MCPH1: variants seen among roughly 807,000 people sequenced by gnomAD.
MCPH1 encodes the protein microcephalin 1.
A neutral mutation model predicts 84.5 loss-of-function variants in MCPH1; 104 were observed. That is an observed-to-expected ratio of 1.23 (90% CI 1.05 to 1.45). MCPH1 has a LOEUF of 1.45. Among genes scored for constraint, MCPH1 ranks in the 40% most tolerant of loss-of-function variants. The probability of loss-of-function intolerance (pLI) is 0.00; values close to 1 mark genes in which losing one functional copy is unlikely to be tolerated. For synonymous variants in MCPH1, 514 were observed against 366.8 expected (o/e 1.40, Z -4.58); for missense variants, 1,498 against 1,005.7 (o/e 1.49, Z -6.62).
chr8:6,626,269 G>C lies in MCPH1; in HGVS notation c.2452+4578G>C, dbSNP rs965044379. On this transcript the variant is annotated intron_variant, in intron 13 of 13. Transcript: ENST00000344683. The stretch of plus-strand genomic sequence containing the variant: ...ACAGGGCTCAGTATACAAAATGTAA[G>C]CCACGCCTCACTCACTTGCTCCCTG... 8.1e-6 allele frequency: 8 copies of C among 985,204 alleles called. No individual in the cohort carries two copies. The African/African-American group carries it at 1.4e-4, about 17-fold the overall frequency. The allele number at this position is 985,204 out of a possible 1,614,324, so 61.0% of individuals were successfully genotyped here.
intron 2 of MCPH1, among the ~76,000 whole-genome samples, chr8:6,412,130 C>T (rs1798623156): frequency 6.6e-6 from 1 of 152,134 alleles, no homozygotes; most frequent in Non-Finnish European, 1.5e-5. Context: ...CTCCCTAATG[C>T]CTGTCTTGAG....
intron 12 of MCPH1, among the ~76,000 whole-genome samples, chr8:6,562,095 G>A (rs991002425): frequency 5.3e-5 from 8 of 152,172 alleles, no homozygotes; most frequent in African/African-American, 1.9e-4. Context: ...GAAACATAAG[G>A]TCTGCTTTAT....
At chr8:6,625,842 C>A in intron 13 of MCPH1, 1 of 985,358 alleles carries the variant, frequency 1.0e-6, no homozygotes, top group South Asian at 4.7e-5. Flanking sequence ...TGTATCTTAA[C>A]AGTCTTGTTT....
intron 2 of MCPH1, 106 bp from the exon 3 acceptor site, chr8:6,414,659 C>T (rs1408726650): frequency 2.4e-6 from 3 of 1,244,152 alleles, no homozygotes; most frequent in African/African-American, 3.0e-5. Context: ...GTTTCTCTGT[C>T]AGATGTTGAG....
At chr8:6,625,973 G>C in intron 13 of MCPH1, 3 of 985,126 alleles carry the variant, frequency 3.0e-6, no homozygotes, top group Non-Finnish European at 2.4e-6. Context: ...GTGGCCAGAG[G>C]AGGGAAAGGA....
At chr8:6,424,115 T>A (rs566753285) in intron 3 of MCPH1, among the ~76,000 whole-genome samples, 27 of 152,326 alleles carry the variant, frequency 1.8e-4, no homozygotes, top group African/African-American at 6.3e-4. Context: ...TCTGTTGGGT[T>A]CCTTCTGGGA....
chr8:6,481,303 T>C (rs1357169102), intron 11 of MCPH1, among the ~76,000 whole-genome samples: 15 of 152,252 alleles, frequency 9.9e-5, no homozygotes, highest in Non-Finnish European at 1.6e-4. Context: ...GGATGAAGGA[T>C]GTTCTTTTAA....
At chr8:6,446,801 T>C (rs980347344) in intron 8 of MCPH1, 5 of 984,572 alleles carry the variant, frequency 5.1e-6, no homozygotes, top group Non-Finnish European at 4.8e-6. Flanking sequence ...GCAAACAGTG[T>C]GGCATGGCCT....
intron 12 of MCPH1, chr8:6,532,511 G>T: frequency 1.3e-6 from 2 of 1,554,520 alleles, no homozygotes; most frequent in Non-Finnish European, 1.7e-6. Context: ...GTGTTAGAAG[G>T]CAGTCATTAG....
chr8:6,574,856 A>G (rs1250106435), intron 12 of MCPH1, among the ~76,000 whole-genome samples: 1 of 152,220 alleles, frequency 6.6e-6, no homozygotes, highest in Non-Finnish European at 1.5e-5. Flanking sequence ...AGGGCAGGCA[A>G]TATCCAGGGA....
intron 3 of MCPH1, among the ~76,000 whole-genome samples, chr8:6,419,126 C>T (rs1352435930): frequency 1.5e-5 from 1 of 68,878 alleles, no homozygotes; most frequent in African/African-American, 5.0e-5. Context: ...TTTATATACA[C>T]ATACACACAC....
At chr8:6,410,535 A>T (rs1419121530) in intron 2 of MCPH1, among the ~76,000 whole-genome samples, 1 of 152,182 alleles carries the variant, frequency 6.6e-6, no homozygotes. Flanking sequence ...ATTTACTATC[A>T]CGTACTGCTT....
At chr8:6,595,014 A>G (rs1266677705) in intron 12 of MCPH1, among the ~76,000 whole-genome samples, 4 of 152,204 alleles carry the variant, frequency 2.6e-5, no homozygotes, top group African/African-American at 9.7e-5. Context: ...GTAAATCTTA[A>G]GACTATATAG....
At position 6,444,944 on chromosome 8, in the gene MCPH1, G is replaced by T; in HGVS notation, c.1222G>T (p.Gly408Trp). 1 of 1,614,142 alleles carries T rather than the reference G, an allele frequency of 6.2e-7. No homozygotes were observed. The highest frequency in any genetic ancestry group is 8.5e-7 in the Non-Finnish European group (1 of 1,180,006). Residue 408 changes from glycine to tryptophan, a missense_variant, in exon 8 of 14, where the codon GGG (glycine) becomes TGG (tryptophan). Transcript: ENST00000344683. Reference sequence around the variant, plus strand: ...ACCTGCCCTGGAGGCTCTTAGCTGTGGGGAGTCTTCATATGATGACTATTT... The same window carrying T: ...ACCTGCCCTGGAGGCTCTTAGCTGTTGGGAGTCTTCATATGATGACTATTT... ...AGPALEALSCGESSYDDYFSP... is the reference protein window; with the variant it reads ...AGPALEALSCWESSYDDYFSP...
intron 3 of MCPH1, among the ~76,000 whole-genome samples, chr8:6,425,789 A>G (rs1207106863): frequency 6.6e-6 from 1 of 152,208 alleles, no homozygotes; most frequent in Non-Finnish European, 1.5e-5. Flanking sequence ...AGGCAATGGT[A>G]GTGGCTTTTC....
chr8:6,592,231 C>A (rs956074424), intron 12 of MCPH1, among the ~76,000 whole-genome samples: 1 of 151,996 alleles, frequency 6.6e-6, no homozygotes, highest in African/African-American at 2.4e-5. Context: ...TGGCTCACTG[C>A]AGCTCAACCT....
At position 6,445,307 on chromosome 8, in the gene MCPH1, A is replaced by C; in HGVS notation, c.1585A>C (p.Ile529Leu). ...CPEGNGFSYT[I>L]EDPALPKGHD... ...AGAGGGAAATGGCTTTTCTTACACCATTGAGGACCCTGCTCTTCCAAAAGG... is the reference window on the plus strand; with the variant it reads ...AGAGGGAAATGGCTTTTCTTACACCCTTGAGGACCCTGCTCTTCCAAAAGG... The change falls in exon 8 of 14, where the codon ATT becomes CTT. Residue 529 changes from isoleucine to leucine, a missense_variant. Coordinates refer to ENST00000344683, the MANE Select transcript of MCPH1 (RefSeq NM_024596.5). 1 of 1,614,266 alleles carries C rather than the reference A, an allele frequency of 6.2e-7. No individual in the cohort carries two copies. The highest frequency in any genetic ancestry group is 1.1e-5 in the South Asian group (1 of 91,090).
At chr8:6,578,828 A>T (rs1218817142) in intron 12 of MCPH1, among the ~76,000 whole-genome samples, 1 of 152,192 alleles carries the variant, frequency 6.6e-6, no homozygotes, top group Non-Finnish European at 1.5e-5. Context: ...TTCTCCACAG[A>T]GCTGCTCTCG....
chr8:6,409,439 T>G, intron 2 of MCPH1, 69 bp downstream of exon 2: 12 of 1,326,038 alleles, frequency 9.0e-6, no homozygotes, highest in Non-Finnish European at 1.3e-5. Context: ...CATTTGCATT[T>G]TCTTATTTTG....
Sources: gnomAD v4.1 joint callset for allele counts (sites outside exome capture counted in the v4.1 genomes callset) on GRCh38, gnomAD v4.1.1 for gene constraint, MANE v1.5 for transcripts, NCBI Gene and HGNC (gene_info 2026-07-23, HGNC 2026-07-21) for gene names.